The following SLC38A1 variants were observed in gnomAD, a reference collection of about 807,000 sequenced individuals.
The protein encoded by SLC38A1 is solute carrier family 38 member 1.
A neutral mutation model predicts 60.3 loss-of-function variants in SLC38A1; 18 were observed. The ratio of observed to expected loss-of-function variants is 0.30; its 90% CI spans 0.21 to 0.44. The LOEUF is 0.44. SLC38A1 is among the 20% of genes least tolerant of loss of function. The probability of loss-of-function intolerance (pLI) is 1.00; values close to 1 mark genes in which losing one functional copy is unlikely to be tolerated. For synonymous variants in SLC38A1, 196 were observed against 212.1 expected (o/e 0.92, Z 0.66); for missense variants, 448 against 587.2 (o/e 0.76, Z 2.45).
At chr12:46,255,745 A>G (rs12303214) in intron 1 of SLC38A1, among the ~76,000 whole-genome samples, 91,330 of 152,116 alleles carry the variant, frequency 0.6, 27,688 homozygotes, top group East Asian at 0.77. Flanking sequence ...GATAGCACAC[A>G]GAAGTGCAGA....
At position 46,184,237 on chromosome 12, in the gene SLC38A1, T is replaced by C. The variant is rs1458986342; in HGVS notation, c.*4733A>G. ...GTTGTTAGACACCCCACCTTCAGCT[T>C]GTACCTGAAAGCTTTATCTCGTTAT... On this transcript the variant is annotated 3_prime_UTR_variant, in exon 17 of 17. Transcript: ENST00000398637. 1 of 152,288 alleles carries C rather than the reference T, an allele frequency of 6.6e-6. No homozygotes were observed. Among genetic ancestry groups the C allele is most frequent in the Non-Finnish European group, 1.5e-5 (1 of 68,036 alleles). The allele number at this position is 152,288 out of a possible 1,614,324, so 9.4% of individuals were successfully genotyped here. A position where few individuals can be genotyped will look rare whatever the true frequency, so the allele number is the denominator to read the frequency against.
chr12:46,201,820 A>T (rs532022587), intron 12 of SLC38A1, among the ~76,000 whole-genome samples: 2 of 151,022 alleles, frequency 1.3e-5, no homozygotes, highest in South Asian at 2.1e-4. Flanking sequence ...GTATTCAATA[A>T]ATAACAGACC....
At chr12:46,256,244 T>C (rs866145240) in intron 1 of SLC38A1, among the ~76,000 whole-genome samples, 10 of 151,614 alleles carry the variant, frequency 6.6e-5, no homozygotes, top group Admixed American at 3.9e-4. Flanking sequence ...CTGACCTGCA[T>C]AATTTAGACC....
chr12:46,245,322 C>G (rs556095335), intron 1 of SLC38A1, among the ~76,000 whole-genome samples: 2 of 152,094 alleles, frequency 1.3e-5, no homozygotes, highest in South Asian at 4.1e-4. Flanking sequence ...AGACATTTCT[C>G]CAAAGAATAC....
chr12:46,250,312 C>T (rs989409822), intron 1 of SLC38A1, among the ~76,000 whole-genome samples: 1 of 152,128 alleles, frequency 6.6e-6, no homozygotes, highest in Admixed American at 6.6e-5. Flanking sequence ...AACTCTCCAT[C>T]AACTGGGTAT....
intron 16 of SLC38A1, among the ~76,000 whole-genome samples, chr12:46,191,659 A>G (rs1939150807): frequency 6.6e-6 from 1 of 152,160 alleles, no homozygotes; most frequent in Non-Finnish European, 1.5e-5. Context: ...ATCCCTTGTA[A>G]GTCGGCTTCC....
intron 16 of SLC38A1, among the ~76,000 whole-genome samples, chr12:46,192,888 T>A (rs1444472789): frequency 2.0e-5 from 3 of 152,210 alleles, no homozygotes; most frequent in African/African-American, 7.2e-5. Flanking sequence ...AACCAGCTCC[T>A]GGATTCATTG....
intron 2 of SLC38A1, among the ~76,000 whole-genome samples, chr12:46,242,073 G>T (rs992250423): frequency 6.6e-6 from 1 of 152,034 alleles, no homozygotes; most frequent in Non-Finnish European, 1.5e-5. Flanking sequence ...TATCACACAC[G>T]CGTGCACGTG....
chr12:46,196,298 T>C, intron 16 of SLC38A1: 1 of 1,534,908 alleles, frequency 6.5e-7, no homozygotes, highest in Non-Finnish European at 8.7e-7. Flanking sequence ...GAGGAGCAAA[T>C]TGGGGGTTGA....
rs576557782 is a variant in SLC38A1 at position 46,196,087 on chromosome 12, G to A, written c.1362+1633C>T. The A allele has an allele frequency of 1.7e-5, 25 of 1,502,786 alleles. No individual in the cohort carries two copies. In the African/African-American group the frequency reaches 3.0e-4, roughly 18 times the overall value. 93.1% of individuals were successfully genotyped at this position (1,502,786 alleles called of 1,614,324 possible). A position where few individuals can be genotyped will look rare whatever the true frequency, so the allele number is the denominator to read the frequency against. ...CTGTTCCTATTTGGCTATCTTGGAA[G>A]CAACCTCAGGTATTTCTTTATTAGC... is the stretch of plus-strand genomic sequence containing the variant. On this transcript the variant is annotated intron_variant, in intron 16 of 16. Transcript: ENST00000398637.
In SLC38A1 at chr12:46,268,843, T is replaced by C. The variant is rs774103132; in HGVS notation, c.-526A>G. 13 of 453,692 alleles carry C rather than the reference T, an allele frequency of 2.9e-5. No individual in the cohort carries two copies. The highest frequency in any genetic ancestry group is 6.5e-4 in the Middle Eastern group (2 of 3,066). The allele number at this position is 453,692 out of a possible 1,614,324, so 28.1% of individuals were successfully genotyped here. On this transcript the variant is annotated 5_prime_UTR_variant, in exon 1 of 17. Coordinates refer to ENST00000398637, the MANE Select transcript of SLC38A1 (RefSeq NM_030674.4). This position sits in a 1 kb window ranked among gnomAD's most constrained non-coding sequence, Gnocchi z 4.4. ...TCACCACCAACCCCCACTCACACTC[T>C]GCTCGCCGGCCTCGCACTTACATCG...
chr12:46,256,037 G>C (rs1565796693), intron 1 of SLC38A1, among the ~76,000 whole-genome samples: 1 of 151,848 alleles, frequency 6.6e-6, no homozygotes, highest in Admixed American at 6.6e-5. Context: ...CATGGTGGCA[G>C]GCGCCTGTAG....
At chr12:46,203,164 G>T in intron 11 of SLC38A1, 75 bp from the exon 12 acceptor site, 1 of 1,247,248 alleles carries the variant, frequency 8.0e-7, no homozygotes, top group Non-Finnish European at 1.2e-6. Flanking sequence ...GTATTTCTGA[G>T]CTGTCTTTTT....
At chr12:46,234,446 C>CTTTTTTTTTTT (rs397791217) in intron 3 of SLC38A1, among the ~76,000 whole-genome samples, 2 of 140,688 alleles carry the variant, frequency 1.4e-5, no homozygotes, top group African/African-American at 2.7e-5. Context: ...TTCTTTCTTT[C>CTTTTTTTTTTT]TTTTTTTTTT....
At chr12:46,256,636 C>CGGAGAGAGAGAGAG (rs1942037760) in intron 1 of SLC38A1, among the ~76,000 whole-genome samples, 9 of 123,204 alleles carry the variant, frequency 7.3e-5, no homozygotes, top group African/African-American at 3.1e-4. Context: ...CACACACACA[C>CGGAGAGAGAGAGAG]AGAGAGAGAG....
chr12:46,190,262 T>G (rs1939092248), intron 16 of SLC38A1, among the ~76,000 whole-genome samples: 1 of 152,212 alleles, frequency 6.6e-6, no homozygotes, highest in Admixed American at 6.5e-5. Context: ...GCAAAGGACA[T>G]GAACTGATCC....
intron 1 of SLC38A1, among the ~76,000 whole-genome samples, chr12:46,246,837 G>A (rs1379500880): frequency 6.6e-6 from 1 of 152,188 alleles, no homozygotes; most frequent in Non-Finnish European, 1.5e-5. Context: ...AATATTTGCT[G>A]TTCTGCAATA....
chr12:46,206,835 G>A (rs1387828081), intron 8 of SLC38A1, among the ~76,000 whole-genome samples: 2 of 152,080 alleles, frequency 1.3e-5, no homozygotes, highest in Admixed American at 6.5e-5. Context: ...TTTGTTGCAC[G>A]TTCCACTTTT....
chr12:46,195,520 G>T (rs747597671), intron 16 of SLC38A1, among the ~76,000 whole-genome samples: 37 of 152,248 alleles, frequency 2.4e-4, no homozygotes, highest in Non-Finnish European at 4.9e-4. Flanking sequence ...TGTCTGCTGC[G>T]TTTTTTTCTG....
Sources: allele counts gnomAD v4.1 joint callset (sites outside exome capture counted in the v4.1 genomes callset), GRCh38; gene constraint gnomAD v4.1.1; non-coding constraint Gnocchi (gnomAD v3.1); transcripts MANE v1.5; gene names NCBI Gene and HGNC (gene_info 2026-07-23, HGNC 2026-07-21).